CNTN4: variants seen among roughly 807,000 people sequenced by gnomAD.
CNTN4 encodes the protein contactin 4, also known as contactin-4.
CNTN4 carries 77 observed loss-of-function variants against 122.5 expected under a neutral mutation model. That is an observed-to-expected ratio of 0.63 (90% CI 0.52 to 0.76). The LOEUF (loss-of-function observed/expected upper bound fraction) is 0.76, where lower values mean the gene tolerates loss of function less well. Ranked by LOEUF, CNTN4 falls within the 30% of genes least tolerant of loss-of-function variation. The pLI, the probability that CNTN4 is intolerant of heterozygous loss-of-function variation, is 0.00. For synonymous variants in CNTN4, 512 were observed against 447.0 expected (o/e 1.15, Z -1.83); for missense variants, 1,256 against 1,259.1 (o/e 1.00, Z 0.04).
At chr3:2,368,197 A>G (rs1441130058) in intron 3 of CNTN4, among the ~76,000 whole-genome samples, 2 of 71,356 alleles carry the variant, frequency 2.8e-5, no homozygotes, top group East Asian at 3.9e-4. Flanking sequence ...ACGCCCAGCT[A>G]ATTTTTTTGT....
intron 3 of CNTN4, among the ~76,000 whole-genome samples, chr3:2,433,835 C>A (rs148944016): frequency 6.6e-6 from 1 of 152,084 alleles, no homozygotes; most frequent in Non-Finnish European, 1.5e-5. Flanking sequence ...ATTCTACTTG[C>A]GAGTGTCTTG....
At chr3:3,048,567 G>A (rs1460499690) in intron 23 of CNTN4, among the ~76,000 whole-genome samples, 1 of 151,098 alleles carries the variant, frequency 6.6e-6, no homozygotes, top group East Asian at 1.9e-4. Flanking sequence ...TGTATGTGTG[G>A]TACCTCCCGT....
At chr3:2,605,908 T>C (rs1228639464) in intron 4 of CNTN4, among the ~76,000 whole-genome samples, 1 of 152,122 alleles carries the variant, frequency 6.6e-6, no homozygotes, top group Non-Finnish European at 1.5e-5. Flanking sequence ...CAGTAGTTAG[T>C]GCTAGAAAGA....
At chr3:2,287,776 AAGG>A (rs1379192933) in intron 2 of CNTN4, among the ~76,000 whole-genome samples, 4 of 147,486 alleles carry the variant, frequency 2.7e-5, no homozygotes, top group East Asian at 2.0e-4. Context: ...GAAGAAGAAG[AAGG>A]AGAAGAAGAG....
chr3:2,416,363 A>C (rs1213363569), intron 3 of CNTN4, among the ~76,000 whole-genome samples: 1 of 152,132 alleles, frequency 6.6e-6, no homozygotes, highest in Admixed American at 6.5e-5. Context: ...TTAGTTTTTC[A>C]TTTTTAAATT....
chr3:3,056,518 A>G lies in CNTN4; in HGVS notation c.*298A>G, dbSNP rs1452851681. Reference sequence around the variant, plus strand: ...TTTTATTATATATTTAGTGTTTTATAGAATTTTTTAAAGTTAACATATAAT... The same window carrying G: ...TTTTATTATATATTTAGTGTTTTATGGAATTTTTTAAAGTTAACATATAAT... On this transcript the variant is annotated 3_prime_UTR_variant, in exon 25 of 25. Transcript: ENST00000418658. 5.6e-6 allele frequency: 1 copy of G among 179,142 alleles called. No individual in the cohort carries two copies. The highest frequency in any genetic ancestry group is 5.9e-5 in the Admixed American group (1 of 17,006). The allele number at this position is 179,142 out of a possible 1,614,324, so 11.1% of individuals were successfully genotyped here. A position where few individuals can be genotyped will look rare whatever the true frequency, so the allele number is the denominator to read the frequency against.
At chr3:2,951,222 G>T (rs997360143) in intron 13 of CNTN4, among the ~76,000 whole-genome samples, 1 of 152,188 alleles carries the variant, frequency 6.6e-6, no homozygotes, top group Non-Finnish European at 1.5e-5. Context: ...ACCAGGAACT[G>T]GTTTCGTGGA....
At chr3:2,458,754 C>T (rs961613532) in intron 3 of CNTN4, among the ~76,000 whole-genome samples, 1 of 152,016 alleles carries the variant, frequency 6.6e-6, no homozygotes, top group African/African-American at 2.4e-5. Flanking sequence ...TCTTGGCTTC[C>T]TTTTTAAATG....
intron 7 of CNTN4, among the ~76,000 whole-genome samples, chr3:2,831,870 T>C (rs2093113202): frequency 1.3e-5 from 2 of 152,166 alleles, no homozygotes; most frequent in Non-Finnish European, 2.9e-5. Flanking sequence ...TGCTTCAGTT[T>C]TAGGTGTTTG....
At chr3:3,012,405 A>G (rs73003041) in intron 14 of CNTN4, among the ~76,000 whole-genome samples, 12,541 of 151,974 alleles carry the variant, frequency 0.083, 701 homozygotes, top group South Asian at 0.19. Flanking sequence ...AGCACTTTTT[A>G]TGTAGCAAGC....
At chr3:2,781,930 A>G (rs1430265389) in intron 6 of CNTN4, among the ~76,000 whole-genome samples, 1 of 145,150 alleles carries the variant, frequency 6.9e-6, no homozygotes, top group Non-Finnish European at 1.5e-5. Context: ...TCACCGTGTT[A>G]GCCAGGATGG....
rs1187275842 is a variant in CNTN4 at position 2,337,828 on chromosome 3, GGATT to G, written c.-144-1349_-144-1346del. 5.3e-5 allele frequency among the ~76,000 whole-genome samples: 8 copies of G among 152,120 alleles called. No homozygotes were observed. The East Asian group carries it at 1.5e-3, about 29-fold the overall frequency. ...CAAAAAACTTTGACCGATGTCTGTA[GGATT>G]ATTATAATTTTAATTGTTATTGATA... On this transcript the variant is annotated intron_variant, in intron 2 of 24. Transcript: ENST00000418658.
chr3:2,538,436 T>C (rs2077896923), intron 3 of CNTN4, among the ~76,000 whole-genome samples: 1 of 152,128 alleles, frequency 6.6e-6, no homozygotes, highest in African/African-American at 2.4e-5. Flanking sequence ...CAATGCATTT[T>C]GGATATTCTT....
At chr3:2,600,350 C>T (rs114501937) in intron 4 of CNTN4, among the ~76,000 whole-genome samples, 2,020 of 152,080 alleles carry the variant, frequency 0.013, 45 homozygotes, top group African/African-American at 0.046. Flanking sequence ...TGTTCCTTCC[C>T]CTCCCGCACC....
chr3:3,055,827 C>T (rs781080275), intron 24 of CNTN4, among the ~76,000 whole-genome samples: 3 of 152,202 alleles, frequency 2.0e-5, no homozygotes, highest in Non-Finnish European at 2.9e-5. Flanking sequence ...GAATCATCGA[C>T]ATAGCATGCT....
At chr3:2,427,239 T>A (rs1404275905) in intron 3 of CNTN4, among the ~76,000 whole-genome samples, 1 of 152,212 alleles carries the variant, frequency 6.6e-6, no homozygotes, top group Non-Finnish European at 1.5e-5. Flanking sequence ...ACACACTGCT[T>A]TAAATGGGTG....
In CNTN4 at chr3:2,257,696, G is replaced by A. The variant is rs149445289; in HGVS notation, c.-144-81482G>A. On this transcript the variant is annotated intron_variant, in intron 2 of 24. Transcript: ENST00000418658. ...ACATGAAAAAACACTTATCATCACT[G>A]GTCATTAGAGAAACGCAAATCAAAA... Among the ~76,000 whole-genome samples, 23 of 152,182 alleles carry A rather than the reference G, an allele frequency of 1.5e-4. No individual in the cohort carries two copies. In the East Asian group the frequency reaches 4.3e-3, roughly 28 times the overall value.
chr3:2,649,063 C>A (rs916130862), intron 4 of CNTN4, among the ~76,000 whole-genome samples: 21 of 152,128 alleles, frequency 1.4e-4, no homozygotes, highest in African/African-American at 5.1e-4. Context: ...CTGGAAGCTG[C>A]AGAAAAGAAG....
chr3:2,601,930 G>T (rs1336717615), intron 4 of CNTN4, among the ~76,000 whole-genome samples: 1 of 152,024 alleles, frequency 6.6e-6, no homozygotes, highest in Non-Finnish European at 1.5e-5. Flanking sequence ...ATGCAAGGCT[G>T]ATTCAACATA....
Sources: gnomAD v4.1 joint callset for allele counts (sites outside exome capture counted in the v4.1 genomes callset) on GRCh38, gnomAD v4.1.1 for gene constraint, MANE v1.5 for transcripts, NCBI Gene and HGNC (gene_info 2026-07-23, HGNC 2026-07-21) for gene names.